The following MCTP1 variants were observed in gnomAD, a reference collection of about 807,000 sequenced individuals.
MCTP1 encodes multiple C2 and transmembrane domain containing 1.
A neutral mutation model predicts 120.6 loss-of-function variants in MCTP1; 69 were observed. The observed-to-expected ratio is 0.57, with a 90% CI of 0.47 to 0.70. MCTP1 has a LOEUF of 0.70. Ranked by LOEUF, MCTP1 falls within the 30% of genes least tolerant of loss-of-function variation. The pLI, the probability that MCTP1 is intolerant of heterozygous loss-of-function variation, is 0.00. For missense variants in MCTP1, 1,203 were observed against 1,248.8 expected, an observed-to-expected ratio of 0.96 and a Z score of 0.55; for synonymous variants, 529 against 493.1, an observed-to-expected ratio of 1.07 and a Z score of -0.96.
rs1398538994 is a variant in MCTP1, at chr5:95,081,317, C to A, written c.721-63833G>T. ...TCTGTATTAGAATCTCAAATGCAAC[C>A]TTCAATACCCCGTGAGAAGGCATTT... is the stretch of plus-strand genomic sequence containing the variant. On this transcript the variant is annotated intron_variant, in intron 1 of 22. Transcript: ENST00000515393. 4.6e-6 allele frequency: 4 copies of A among 872,842 alleles called. No homozygotes were observed. The Admixed American group carries it at 1.0e-4, about 22-fold the overall frequency. The allele number at this position is 872,842 out of a possible 1,614,324, so 54.1% of individuals were successfully genotyped here. A position where few individuals can be genotyped will look rare whatever the true frequency, so the allele number is the denominator to read the frequency against.
intron 17 of MCTP1, among the ~76,000 whole-genome samples, chr5:94,854,545 T>C (rs1794370626): frequency 6.6e-6 from 1 of 151,882 alleles, no homozygotes; most frequent in African/African-American, 2.4e-5. Flanking sequence ...TCCATGTCAG[T>C]GATCAACTAT....
At chr5:94,794,732 T>C (rs1031371996) in intron 18 of MCTP1, among the ~76,000 whole-genome samples, 1 of 152,234 alleles carries the variant, frequency 6.6e-6, no homozygotes, top group Non-Finnish European at 1.5e-5. Flanking sequence ...CTAAAAGGCT[T>C]AGCAGGATGC....
At chr5:95,103,684 T>C (rs1026417495) in intron 1 of MCTP1, among the ~76,000 whole-genome samples, 1 of 152,208 alleles carries the variant, frequency 6.6e-6, no homozygotes, top group African/African-American at 2.4e-5. Context: ...TCAACAATTT[T>C]CGAGTGCCTT....
intron 18 of MCTP1, among the ~76,000 whole-genome samples, chr5:94,786,251 TTTTC>T (rs1474328662): frequency 6.6e-6 from 1 of 152,096 alleles, no homozygotes; most frequent in Non-Finnish European, 1.5e-5. Flanking sequence ...CTAATTTGAG[TTTTC>T]TTTTTCTTTT....
rs563292232 is a variant in MCTP1, at chr5:94,913,118, A to G, written c.1351-142T>C. 1.3e-5 allele frequency: 4 copies of G among 319,082 alleles called. No individual in the cohort carries two copies. The East Asian group carries it at 2.5e-4, about 20-fold the overall frequency. The allele number at this position is 319,082 out of a possible 1,614,324, so 19.8% of individuals were successfully genotyped here. A position where few individuals can be genotyped will look rare whatever the true frequency, so the allele number is the denominator to read the frequency against. Reference sequence around the variant, plus strand: ...TTTTTTTAACTAAAAATAATTATGAATTATTAATTAATTATAAAATTAATA... The same window carrying G: ...TTTTTTTAACTAAAAATAATTATGAGTTATTAATTAATTATAAAATTAATA... On this transcript the variant is annotated intron_variant, in intron 8 of 22. Coordinates refer to ENST00000515393, the MANE Select transcript of MCTP1 (RefSeq NM_024717.7).
chr5:95,006,755 C>T (rs905792860), intron 2 of MCTP1, among the ~76,000 whole-genome samples: 1 of 152,064 alleles, frequency 6.6e-6, no homozygotes, highest in African/African-American at 2.4e-5. Flanking sequence ...GCATTTTCCT[C>T]CTGGGAAAAA....
At chr5:95,191,208 T>C (rs145384095) in intron 1 of MCTP1, among the ~76,000 whole-genome samples, 1,595 of 152,150 alleles carry the variant, frequency 0.01, 14 homozygotes, top group Middle Eastern at 0.031. Flanking sequence ...CAAGTATCTG[T>C]ACAAAGGGCT....
chr5:95,012,053 G>A (rs1227061454), intron 2 of MCTP1, among the ~76,000 whole-genome samples: 1 of 152,082 alleles, frequency 6.6e-6, no homozygotes, highest in Non-Finnish European at 1.5e-5. Flanking sequence ...GTGGCCAAAT[G>A]TATTCATTGC....
At chr5:95,155,903 C>T (rs1039908124) in intron 1 of MCTP1, among the ~76,000 whole-genome samples, 1 of 152,188 alleles carries the variant, frequency 6.6e-6, no homozygotes, top group Non-Finnish European at 1.5e-5. Flanking sequence ...GATTCCATTA[C>T]ATGATCTGCA....
intron 1 of MCTP1, among the ~76,000 whole-genome samples, chr5:95,107,596 G>A (rs925647410): frequency 1.3e-5 from 2 of 152,124 alleles, no homozygotes; most frequent in African/African-American, 4.8e-5. Context: ...AGTAAATAAA[G>A]TTCTGCCTCA....
At chr5:94,880,877 A>G (rs1449770422) in intron 12 of MCTP1, among the ~76,000 whole-genome samples, 4 of 152,116 alleles carry the variant, frequency 2.6e-5, no homozygotes, top group Non-Finnish European at 5.9e-5. Context: ...TTCTGTAGTA[A>G]TTAGAAAATC....
intron 12 of MCTP1, among the ~76,000 whole-genome samples, chr5:94,884,317 A>G (rs1162261641): frequency 1.3e-5 from 2 of 152,228 alleles, no homozygotes; most frequent in East Asian, 1.9e-4. Flanking sequence ...GTACAGAGGT[A>G]GACCTCTTTG....
At chr5:95,001,887 C>G (rs1375452180) in intron 2 of MCTP1, among the ~76,000 whole-genome samples, 1 of 152,156 alleles carries the variant, frequency 6.6e-6, no homozygotes, top group Non-Finnish European at 1.5e-5. Flanking sequence ...CAGGGCATGT[C>G]AAAAACCTTC....
intron 17 of MCTP1, among the ~76,000 whole-genome samples, chr5:94,859,538 T>C (rs972098392): frequency 1.3e-5 from 2 of 151,908 alleles, no homozygotes; most frequent in African/African-American, 2.4e-5. Flanking sequence ...TATACATGTA[T>C]GGAAATATCA....
At chr5:94,969,587 A>G (rs925864046) in intron 2 of MCTP1, among the ~76,000 whole-genome samples, 2 of 152,134 alleles carry the variant, frequency 1.3e-5, no homozygotes, top group Non-Finnish European at 2.9e-5. Context: ...CAGTGTCACA[A>G]GAAGAAGGAG....
intron 1 of MCTP1, among the ~76,000 whole-genome samples, chr5:95,049,249 G>A (rs2881646): frequency 0.83 from 125,680 of 151,994 alleles, 53,166 homozygotes; most frequent in Non-Finnish European, 0.93. Flanking sequence ...CGCACTTCCC[G>A]TTAAATTTTA....
In MCTP1 at chr5:95,284,850, C is replaced by A. The variant is rs1417373663; in HGVS notation, c.-275G>T. 6.6e-6 allele frequency among the ~76,000 whole-genome samples: 1 copy of A among 152,074 alleles called. No individual in the cohort carries two copies. Among genetic ancestry groups the A allele is most frequent in the Non-Finnish European group, 1.5e-5 (1 of 67,994 alleles). On this transcript the variant is annotated 5_prime_UTR_variant, in exon 1 of 23. Coordinates refer to ENST00000515393, the MANE Select transcript of MCTP1 (RefSeq NM_024717.7). The surrounding 1 kb of genome is among the most constrained non-coding windows in gnomAD (Gnocchi z 5.2). ...GGGTGGGCTGGAGCCGTAACCGAAT[C>A]CCGGCCGCGGCGCCTGCAAAGTTTT...
At chr5:94,928,209 AACACACAC>A (rs60502360) in intron 6 of MCTP1, among the ~76,000 whole-genome samples, 33,558 of 148,452 alleles carry the variant, frequency 0.23, 4,596 homozygotes, top group South Asian at 0.38. Context: ...TCTAGGTTAA[AACACACAC>A]ACACACACAC....
At chr5:95,166,005 A>C (rs138823129) in intron 1 of MCTP1, 5 of 152,244 alleles carry the variant, frequency 3.3e-5, no homozygotes, top group African/African-American at 1.2e-4. Flanking sequence ...ATTTCTCACC[A>C]GCTTCAGTCT....
Sources: allele counts gnomAD v4.1 joint callset (sites outside exome capture counted in the v4.1 genomes callset), GRCh38; gene constraint gnomAD v4.1.1; non-coding constraint Gnocchi (gnomAD v3.1); transcripts MANE v1.5; gene names NCBI Gene and HGNC (gene_info 2026-07-23, HGNC 2026-07-21).